WDR59: variants seen among roughly 807,000 people sequenced by gnomAD.
The protein encoded by WDR59 is WD repeat domain 59.
WDR59 carries 100 observed loss-of-function variants against 131.2 expected under a neutral mutation model. That is an observed-to-expected ratio of 0.76 (90% CI 0.65 to 0.90). The LOEUF (loss-of-function observed/expected upper bound fraction) is 0.90, where lower values mean the gene tolerates loss of function less well. Among genes scored for constraint, WDR59 ranks in the 40% least tolerant of loss-of-function variants. The probability of loss-of-function intolerance (pLI) is 0.00; values close to 1 mark genes in which losing one functional copy is unlikely to be tolerated. For missense variants in WDR59, 1,203 were observed against 1,262.2 expected, an observed-to-expected ratio of 0.95 and a Z score of 0.71; for synonymous variants, 601 against 466.2, an observed-to-expected ratio of 1.29 and a Z score of -3.72.
At chr16:74,949,894 T>C (rs2145133254) in intron 4 of WDR59, 96 bp from the exon 5 acceptor site, 6 of 1,080,152 alleles carry the variant, frequency 5.6e-6, no homozygotes, top group Non-Finnish European at 8.4e-6. Flanking sequence ...GGCTTCAGAA[T>C]GTCATCATTA....
At chr16:74,952,562 G>T (rs368356481) in intron 3 of WDR59, among the ~76,000 whole-genome samples, 14 of 151,692 alleles carry the variant, frequency 9.2e-5, no homozygotes, top group South Asian at 2.1e-4. Flanking sequence ...TTCTTAAAGG[G>T]TTAAGCAGAA....
chr16:74,912,152 C>G, intron 14 of WDR59, 46 bp downstream of exon 14: 1 of 1,613,066 alleles, frequency 6.2e-7, no homozygotes, highest in Non-Finnish European at 8.5e-7. Context: ...TCCATCTAGA[C>G]AATGATGCAG....
chr16:74,906,305 C>T (rs1285223885), intron 17 of WDR59, among the ~76,000 whole-genome samples: 2 of 560 alleles, frequency 3.6e-3, no homozygotes, highest in African/African-American at 9.0e-3. Context: ...CAGAGCAAGA[C>T]TCCGTCTCAA....
chr16:74,951,518 T>A lies in WDR59; in HGVS notation c.266A>T (p.Lys89Met), dbSNP rs1372572913. The A allele has an allele frequency of 6.2e-7, 1 of 1,600,792 alleles. No homozygotes were observed. The highest frequency in any genetic ancestry group is 1.7e-5 in the Admixed American group (1 of 57,580). ...ASSNQRVDLY[K>M]WKDGSGEVGT... ...AACTTCCCCACTGCCGTCTTTCCAC[T>A]TGTAAAGGTCTACTCGTTGGTTACT... Residue 89 changes from lysine to methionine, a missense_variant, in exon 4 of 26, where the codon AAG becomes ATG. Transcript: ENST00000262144.
intron 3 of WDR59, among the ~76,000 whole-genome samples, chr16:74,952,335 G>C (rs1472862916): frequency 1.3e-5 from 2 of 150,788 alleles, no homozygotes; most frequent in East Asian, 2.0e-4. Flanking sequence ...TCAGCTACTT[G>C]ACAGGCTGAG....
At chr16:74,970,251 T>C (rs1009590198) in intron 1 of WDR59, among the ~76,000 whole-genome samples, 3 of 152,120 alleles carry the variant, frequency 2.0e-5, no homozygotes, top group African/African-American at 4.8e-5. Flanking sequence ...TTGGTCTATA[T>C]GTCTAGTTTT....
intron 2 of WDR59, among the ~76,000 whole-genome samples, chr16:74,959,036 G>T (rs985075167): frequency 6.6e-6 from 1 of 152,236 alleles, no homozygotes; most frequent in African/African-American, 2.4e-5. Context: ...TCCAGCCCGG[G>T]CAACAAAAGC....
intron 25 of WDR59, among the ~76,000 whole-genome samples, chr16:74,881,596 C>T (rs943345327): frequency 2.6e-5 from 4 of 152,034 alleles, no homozygotes; most frequent in African/African-American, 7.2e-5. Flanking sequence ...ACTTCTTGGC[C>T]GGGTGTGGGG....
At chr16:74,928,540 C>G (rs2031083609) in intron 8 of WDR59, among the ~76,000 whole-genome samples, 1 of 151,842 alleles carries the variant, frequency 6.6e-6, no homozygotes, top group Non-Finnish European at 1.5e-5. Context: ...TCTTGTAAGG[C>G]CAGATTTACC....
Position 74,904,033 on chromosome 16 carries a change from G to A in WDR59, c.1780C>T (p.Pro594Ser), listed in dbSNP as rs1294846038. The change falls in exon 18 of 26, where the codon CCT (proline) becomes TCT (serine). Residue 594 changes from proline (P) to serine (S), a missense_variant. Physicochemically the swap from Pro to Ser is moderately conservative, Grantham distance 74. Transcript: ENST00000262144. The stretch of plus-strand genomic sequence containing the variant: ...CCACTGTATAAACGAAGGTTCCCAG[G>A]GGCCTCTGTGCGGATCTTCATGGGC... ...IAPMKIRTEA[P>S]GNLRLYSGSP... is the part of the protein sequence containing the mutation. The A allele has an allele frequency of 1.2e-6, 2 of 1,613,142 alleles. No individual in the cohort carries two copies. Among genetic ancestry groups the A allele is most frequent in the Non-Finnish European group, 1.7e-6 (2 of 1,179,764 alleles).
intron 20 of WDR59, among the ~76,000 whole-genome samples, chr16:74,891,886 T>G (rs375608636): frequency 6.6e-6 from 1 of 152,164 alleles, no homozygotes; most frequent in African/African-American, 2.4e-5. Flanking sequence ...ATCGTGCCAC[T>G]GCACTCTAGC....
chr16:74,930,574 T>A (rs1215977732), intron 8 of WDR59, among the ~76,000 whole-genome samples: 1 of 151,684 alleles, frequency 6.6e-6, no homozygotes, highest in Non-Finnish European at 1.5e-5. Flanking sequence ...TTTATGAAAG[T>A]TTTTTTTAAT....
intron 2 of WDR59, among the ~76,000 whole-genome samples, chr16:74,964,810 G>C (rs775244167): frequency 1.4e-4 from 21 of 152,052 alleles, no homozygotes; most frequent in Admixed American, 2.6e-4. Flanking sequence ...CAGCACTTTA[G>C]GAGGCACTTT....
Position 74,881,868 on chromosome 16 carries a change from G to A in WDR59, c.2689+3785C>T, listed in dbSNP as rs374844828. ...AGCCTGGGTGACAGAGCAAGACTCCGTCTCAAAAAAAAAAAAAAAGAAAAA... is the reference window on the plus strand; with the variant it reads ...AGCCTGGGTGACAGAGCAAGACTCCATCTCAAAAAAAAAAAAAAAGAAAAA... On this transcript the variant is annotated intron_variant, in intron 25 of 25. Coordinates refer to ENST00000262144, the MANE Select transcript of WDR59 (RefSeq NM_030581.4). 4.8e-5 allele frequency among the ~76,000 whole-genome samples: 6 copies of A among 123,792 alleles called. No individual in the cohort carries two copies. The South Asian group carries it at 8.1e-4, about 17-fold the overall frequency. The allele number at this position is 123,792 out of a possible 152,430, so 81.2% of individuals were successfully genotyped here.
At chr16:74,886,214 A>ACTGGAGTCCTGC in intron 24 of WDR59, 56 bp downstream of exon 24, 1 of 1,368,012 alleles carries the variant, frequency 7.3e-7, no homozygotes, top group Non-Finnish European at 1.0e-6. Context: ...TTGTGGAGAA[A>ACTGGAGTCCTGC]CTGGAGTCCT....
At chr16:74,947,926 C>T (rs2032745984) in intron 6 of WDR59, among the ~76,000 whole-genome samples, 1 of 152,044 alleles carries the variant, frequency 6.6e-6, no homozygotes, top group Non-Finnish European at 1.5e-5. Context: ...AAAAATCACC[C>T]AGGTGTGGTG....
At chr16:74,961,154 AC>A (rs1267229909) in intron 2 of WDR59, among the ~76,000 whole-genome samples, 1 of 149,656 alleles carries the variant, frequency 6.7e-6, no homozygotes, top group Non-Finnish European at 1.5e-5. Context: ...AAAAAAAAAA[AC>A]TTAGCCAGAC....
intron 24 of WDR59, 124 bp from the exon 25 acceptor site, chr16:74,885,919 T>G: frequency 8.3e-7 from 1 of 1,205,732 alleles, no homozygotes; most frequent in Non-Finnish European, 1.1e-6. Flanking sequence ...CTAACACCTG[T>G]CACTCCCAGC....
chr16:74,877,398 TACAGCAC>T (rs1269332388), intron 25 of WDR59, among the ~76,000 whole-genome samples: 1 of 152,210 alleles, frequency 6.6e-6, no homozygotes, highest in Non-Finnish European at 1.5e-5. Context: ...AGAGGTTCCT[TACAGCAC>T]CAAAATTATC....
Sources: allele counts gnomAD v4.1 joint callset (sites outside exome capture counted in the v4.1 genomes callset), GRCh38; gene constraint gnomAD v4.1.1; transcripts MANE v1.5; gene names NCBI Gene and HGNC (gene_info 2026-07-23, HGNC 2026-07-21).